ASB5: variants seen among roughly 807,000 people sequenced by gnomAD.
ASB5 encodes ankyrin repeat and SOCS box containing 5.
A neutral mutation model predicts 42.1 loss-of-function variants in ASB5; 45 were observed. The observed-to-expected ratio is 1.07, with a 90% CI of 0.84 to 1.37. ASB5 has a LOEUF of 1.37. ASB5 is among the 40% of genes most tolerant of loss of function. The pLI is 0.00. For missense variants in ASB5, 402 were observed against 399.8 expected, an observed-to-expected ratio of 1.01 and a Z score of -0.05; for synonymous variants, 147 against 150.6, an observed-to-expected ratio of 0.98 and a Z score of 0.18.
intron 1 of ASB5, among the ~76,000 whole-genome samples, chr4:176,233,309 T>C (rs1753597607): frequency 6.6e-6 from 1 of 152,226 alleles, no homozygotes; most frequent in Admixed American, 6.5e-5. Flanking sequence ...CAAAATTTAG[T>C]AACAATTATT....
chr4:176,225,356 A>G lies in ASB5; in HGVS notation c.197-15T>C. Reference sequence around the variant, plus strand: ...TGCCCAGGAACCTGTCAAAAAAGAAAAAAAGAAAGAAAAGAAAACAAAAAT... The same window carrying G: ...TGCCCAGGAACCTGTCAAAAAAGAAGAAAAGAAAGAAAAGAAAACAAAAAT... On this transcript the variant is annotated splice_polypyrimidine_tract_variant and intron_variant, in intron 1 of 6. Coordinates refer to ENST00000296525, the MANE Select transcript of ASB5 (RefSeq NM_080874.4). 6.2e-7 allele frequency: 1 copy of G among 1,607,390 alleles called. No homozygotes were observed. The highest frequency in any genetic ancestry group is 8.5e-7 in the Non-Finnish European group (1 of 1,177,188).
At chr4:176,226,764 G>A (rs968847478) in intron 1 of ASB5, among the ~76,000 whole-genome samples, 17 of 152,016 alleles carry the variant, frequency 1.1e-4, no homozygotes, top group East Asian at 1.9e-4. Context: ...TGCCCACCTC[G>A]CCACACTCCC....
upstream of ASB5, among the ~76,000 whole-genome samples, chr4:176,271,055 C>G (rs370404413): frequency 8.4e-4 from 128 of 152,296 alleles, no homozygotes; most frequent in African/African-American, 3.0e-3. Flanking sequence ...TTCACTAAGG[C>G]TGGAATCATC....
chr4:176,240,681 A>G (rs1366345245), intron 1 of ASB5, among the ~76,000 whole-genome samples: 2 of 152,180 alleles, frequency 1.3e-5, no homozygotes, highest in African/African-American at 4.8e-5. Flanking sequence ...CCTTCTGACA[A>G]TTTTTAAAGC....
intron 1 of ASB5, among the ~76,000 whole-genome samples, chr4:176,232,203 A>G (rs991311911): frequency 6.6e-6 from 1 of 150,860 alleles, no homozygotes; most frequent in Non-Finnish European, 1.5e-5. Flanking sequence ...GCTCACTGCA[A>G]CCTCCACCTC....
At chr4:176,259,252 T>C (rs1160337039) in intron 1 of ASB5, among the ~76,000 whole-genome samples, 1 of 152,200 alleles carries the variant, frequency 6.6e-6, no homozygotes, top group African/African-American at 2.4e-5. Flanking sequence ...TTTTCCAAAT[T>C]CATGATTCTA....
intron 5 of ASB5, among the ~76,000 whole-genome samples, chr4:176,218,146 A>G: frequency 8.7e-6 from 1 of 115,298 alleles, no homozygotes; most frequent in Non-Finnish European, 1.9e-5. Context: ...TTTGTATGAT[A>G]TATAAATATA....
rs1283541310 is a variant in ASB5, at chr4:176,222,406, A to G, written c.291T>C (p.Asn97=). 6.2e-7 allele frequency: 1 copy of G among 1,612,926 alleles called. No individual in the cohort carries two copies. Among genetic ancestry groups the G allele is most frequent in the Middle Eastern group, 1.6e-4 (1 of 6,062 alleles). The change falls in exon 3 of 7, where the codon AAT becomes AAC. Residue 97 remains asparagine, a synonymous_variant. Coordinates refer to ENST00000296525, the MANE Select transcript of ASB5 (RefSeq NM_080874.4). ...RTLLSQGYNV[N]AVTLDHVTPL... Reference sequence around the variant, plus strand: ...GGGTGACATGGTCTAAGGTTACTGCATTTACATTATAACCCTAAATGTGGC... The same window carrying G: ...GGGTGACATGGTCTAAGGTTACTGCGTTTACATTATAACCCTAAATGTGGC...
intron 1 of ASB5, among the ~76,000 whole-genome samples, chr4:176,227,924 A>C (rs956767532): frequency 2.0e-5 from 3 of 152,122 alleles, no homozygotes; most frequent in Non-Finnish European, 2.9e-5. Flanking sequence ...CCCCTCCAAA[A>C]TAAAACCCTT....
intron 1 of ASB5, chr4:176,241,337 G>C: frequency 1.3e-6 from 1 of 746,274 alleles, no homozygotes; most frequent in Non-Finnish European, 2.0e-6. Context: ...CATTTTAAAA[G>C]TGTAAGTTTC....
At chr4:176,234,121 G>A (rs1052156451) in intron 1 of ASB5, among the ~76,000 whole-genome samples, 5 of 152,206 alleles carry the variant, frequency 3.3e-5, no homozygotes, top group Non-Finnish European at 5.9e-5. Context: ...TAACTAGTCA[G>A]TGTGTTTCTG....
Position 176,235,252 on chromosome 4 carries a change from A to G in ASB5, c.197-9911T>C, listed in dbSNP as rs1753656194. Among the ~76,000 whole-genome samples, 6 of 152,348 alleles carry G rather than the reference A, an allele frequency of 3.9e-5. No homozygotes were observed. The South Asian group carries it at 1.2e-3, about 32-fold the overall frequency. Reference sequence around the variant, plus strand: ...TAGCAAAACACAGCAATACAGTACTATTAACTATAATACCTTATTGATTAT... The same window carrying G: ...TAGCAAAACACAGCAATACAGTACTGTTAACTATAATACCTTATTGATTAT... On this transcript the variant is annotated intron_variant, in intron 1 of 6. Coordinates refer to ENST00000296525, the MANE Select transcript of ASB5 (RefSeq NM_080874.4).
intron 1 of ASB5, among the ~76,000 whole-genome samples, chr4:176,262,427 G>A (rs989813015): frequency 2.6e-5 from 4 of 152,170 alleles, no homozygotes; most frequent in African/African-American, 7.2e-5. Context: ...AAGTGAAGGT[G>A]GGGACTTGGC....
chr4:176,275,073 C>T (rs2126983666), intron 2 of ASB5, among the ~76,000 whole-genome samples: 1 of 152,080 alleles, frequency 6.6e-6, no homozygotes, highest in Non-Finnish European at 1.5e-5. Context: ...TGCCACCATG[C>T]CTGGCTAATT....
At chr4:176,240,211 A>G (rs1423394776) in intron 1 of ASB5, among the ~76,000 whole-genome samples, 2 of 152,228 alleles carry the variant, frequency 1.3e-5, no homozygotes, top group Admixed American at 1.3e-4. Context: ...ATTGTAATCT[A>G]TAGAAGATAA....
At chr4:176,273,224 T>G (rs1382140908), upstream of ASB5, among the ~76,000 whole-genome samples, 1 of 152,186 alleles carries the variant, frequency 6.6e-6, no homozygotes, top group Non-Finnish European at 1.5e-5. Context: ...AGGTTGCTAA[T>G]GTTCAGCATA....
At chr4:176,234,700 C>T (rs7672412) in intron 1 of ASB5, among the ~76,000 whole-genome samples, 1,579 of 152,154 alleles carry the variant, frequency 0.01, 39 homozygotes, top group African/African-American at 0.036. Context: ...TCTGAGCAGC[C>T]GTATGGAGCT....
intron 3 of ASB5, 135 bp downstream of exon 3, chr4:176,222,178 A>G (rs1215594841): frequency 1.4e-5 from 11 of 760,664 alleles, no homozygotes; most frequent in Middle Eastern, 3.8e-4. Flanking sequence ...AAGACTAAGG[A>G]ATTCAAGAGC....
intron 1 of ASB5, among the ~76,000 whole-genome samples, chr4:176,260,550 C>T (rs960044262): frequency 1.2e-4 from 19 of 152,214 alleles, no homozygotes; most frequent in African/African-American, 4.1e-4. Context: ...ATTCTTTGGG[C>T]ATTTCCAGTC....
Sources: gnomAD v4.1 joint callset for allele counts (sites outside exome capture counted in the v4.1 genomes callset) on GRCh38, gnomAD v4.1.1 for gene constraint, MANE v1.5 for transcripts, NCBI Gene and HGNC (gene_info 2026-07-23, HGNC 2026-07-21) for gene names.